Variants in ADAMTS9 observed in about 807,000 individuals in gnomAD.
ADAMTS9 encodes the protein ADAM metallopeptidase with thrombospondin type 1 motif 9, also known as A disintegrin and metalloproteinase with thrombospondin motifs 9.
Under a neutral mutation model 257.1 loss-of-function variants are expected in ADAMTS9, and 107 were observed. That is an observed-to-expected ratio of 0.42 (90% confidence interval 0.36 to 0.49). The LOEUF is 0.49. Among genes scored for constraint, ADAMTS9 ranks in the 20% least tolerant of loss-of-function variants. The pLI, the probability that ADAMTS9 is intolerant of heterozygous loss-of-function variation, is 0.03. For synonymous variants in ADAMTS9, 982 were observed against 880.9 expected (o/e 1.11, Z -2.03); for missense variants, 2,353 against 2,469.1 (o/e 0.95, Z 1.00).
chr3:64,619,212 T>C (rs181875770), intron 19 of ADAMTS9, among the ~76,000 whole-genome samples: 134 of 152,258 alleles, frequency 8.8e-4, no homozygotes, highest in Non-Finnish European at 1.6e-3. Context: ...TCTATAGTTA[T>C]AATCAGAGAC....
chr3:64,642,123 T>C, intron 11 of ADAMTS9, 130 bp from the exon 12 acceptor site: 4 of 1,030,818 alleles, frequency 3.9e-6, no homozygotes, highest in East Asian at 2.4e-5. Flanking sequence ...AGGTTCATCA[T>C]CTATATGAAT....
chr3:64,660,092 T>C lies in ADAMTS9; in HGVS notation c.680-1301A>G, dbSNP rs540805267. ...AGTGCCTGCCAAAATATACTTTGAG[T>C]AAAAACAGAATTTCATCAGTTAACT... is the stretch of plus-strand genomic sequence containing the variant. On this transcript the variant is annotated intron_variant, in intron 3 of 39. Transcript: ENST00000498707. Among the ~76,000 whole-genome samples, 23 of 152,232 alleles carry C rather than the reference T, an allele frequency of 1.5e-4. No homozygotes were observed. The East Asian group carries it at 2.1e-3, about 14-fold the overall frequency.
chr3:64,614,958 T>G (rs189132185), intron 21 of ADAMTS9: 64 of 168,194 alleles, frequency 3.8e-4, no homozygotes, highest in African/African-American at 1.5e-3. Flanking sequence ...AAACTTCATG[T>G]TGACTTCAGA....
intron 32 of ADAMTS9, among the ~76,000 whole-genome samples, chr3:64,542,830 G>A (rs1191699445): frequency 2.0e-5 from 3 of 151,946 alleles, no homozygotes; most frequent in African/African-American, 7.3e-5. Context: ...TCCAGGAGCC[G>A]GTTTTTTGAA....
intron 30 of ADAMTS9, among the ~76,000 whole-genome samples, chr3:64,561,065 C>CTTT (rs57577807): frequency 0.37 from 30,952 of 83,274 alleles, 3,580 homozygotes; most frequent in East Asian, 0.5. Flanking sequence ...AGATACCATC[C>CTTT]TTTTTTTTTT....
chr3:64,670,847 A>G (rs1188209968), intron 3 of ADAMTS9, among the ~76,000 whole-genome samples: 2 of 152,222 alleles, frequency 1.3e-5, no homozygotes, highest in Admixed American at 6.5e-5. Flanking sequence ...AGAATAGCTA[A>G]ACTTCAAAAA....
intron 39 of ADAMTS9, among the ~76,000 whole-genome samples, chr3:64,517,581 T>A (rs1285829734): frequency 6.6e-6 from 1 of 151,608 alleles, no homozygotes; most frequent in East Asian, 1.9e-4. Context: ...GTAATGTTTG[T>A]TTGCTGTAAG....
intron 3 of ADAMTS9, 145 bp downstream of exon 3, chr3:64,681,056 A>T: frequency 1.1e-6 from 1 of 883,620 alleles, no homozygotes; most frequent in South Asian, 1.9e-5. Flanking sequence ...ACAGTGGGGT[A>T]TGTATCCCTA....
At chr3:64,540,332 T>G (rs974748584) in intron 36 of ADAMTS9, among the ~76,000 whole-genome samples, 2 of 152,340 alleles carry the variant, frequency 1.3e-5, no homozygotes, top group East Asian at 3.9e-4. Flanking sequence ...AATTATTCAT[T>G]ATTTCTGTTT....
At chr3:64,671,020 C>G (rs896694325) in intron 3 of ADAMTS9, among the ~76,000 whole-genome samples, 3 of 152,160 alleles carry the variant, frequency 2.0e-5, no homozygotes, top group African/African-American at 7.2e-5. Flanking sequence ...ACCACACAAG[C>G]CAGTAATCTT....
At chr3:64,518,622 A>G (rs1302716281) in intron 39 of ADAMTS9, among the ~76,000 whole-genome samples, 1 of 152,102 alleles carries the variant, frequency 6.6e-6, no homozygotes, top group Non-Finnish European at 1.5e-5. Flanking sequence ...CATTTCTAAC[A>G]AGTTCCTAGG....
intron 3 of ADAMTS9, among the ~76,000 whole-genome samples, chr3:64,679,492 G>A (rs1205157420): frequency 6.6e-6 from 1 of 152,196 alleles, no homozygotes; most frequent in Non-Finnish European, 1.5e-5. Flanking sequence ...AAGCAAGGTG[G>A]TACATGTACA....
chr3:64,656,851 G>T lies in ADAMTS9; in HGVS notation c.970-976C>A, dbSNP rs182230205. On this transcript the variant is annotated intron_variant, in intron 4 of 39. Transcript: ENST00000498707. ...AGGCAAGGAGTACCATAGGCCACAA[G>T]GGGGGAAGAAGAAACCCTAAAGCTA... is the stretch of plus-strand genomic sequence containing the variant. 4.6e-5 allele frequency among the ~76,000 whole-genome samples: 7 copies of T among 152,162 alleles called. No homozygotes were observed. In the East Asian group the frequency reaches 1.4e-3, roughly 30 times the overall value.
chr3:64,621,714 A>G (rs1419554469), intron 18 of ADAMTS9, among the ~76,000 whole-genome samples: 15 of 151,812 alleles, frequency 9.9e-5, no homozygotes, highest in Non-Finnish European at 1.5e-5. Context: ...GTGGGCTGAG[A>G]TTGTGCCACT....
At chr3:64,565,853 C>T (rs2083532264) in intron 29 of ADAMTS9, 1 of 152,128 alleles carries the variant, frequency 6.6e-6, no homozygotes, top group Non-Finnish European at 1.5e-5. Context: ...AATAATTCCA[C>T]CCCTCCTTCA....
intron 30 of ADAMTS9, among the ~76,000 whole-genome samples, chr3:64,556,578 C>T (rs2083335610): frequency 6.6e-6 from 1 of 152,228 alleles, no homozygotes; most frequent in East Asian, 1.9e-4. Context: ...TCCTTGGCCT[C>T]CCAAAGTGCT....
rs1251016424 is a variant in ADAMTS9, at chr3:64,649,786, AAC to A, written c.1464-10_1464-9del. The stretch of plus-strand genomic sequence containing the variant: ...CACTCGCCATAACCAGTGCTACGGA[AAC>A]ACACAGAAACACACAGATGGTGAGA... On this transcript the variant is annotated splice_polypyrimidine_tract_variant and intron_variant, in intron 9 of 39. Coordinates refer to ENST00000498707, the MANE Select transcript of ADAMTS9 (RefSeq NM_182920.2). The A allele has an allele frequency of 6.2e-7, 1 of 1,607,784 alleles. No homozygotes were observed. The highest frequency in any genetic ancestry group is 8.5e-7 in the Non-Finnish European group (1 of 1,176,860).
chr3:64,538,804 T>C (rs371844363), intron 37 of ADAMTS9, among the ~76,000 whole-genome samples: 15 of 152,216 alleles, frequency 9.9e-5, no homozygotes, highest in South Asian at 4.1e-4. Context: ...ACCATGGCAA[T>C]TGACAAATGT....
In ADAMTS9 at chr3:64,642,458, C is replaced by T. The variant is rs9884108; in HGVS notation, c.1711-465G>A. Among the ~76,000 whole-genome samples the T allele has an allele frequency of 1.4e-3, 210 of 150,502 alleles. 1 individual carries two copies. Among genetic ancestry groups the T allele is most frequent in the African/African-American group, 4.9e-3 (199 of 40,554 alleles). On this transcript the variant is annotated intron_variant, in intron 11 of 39. Coordinates refer to ENST00000498707, the MANE Select transcript of ADAMTS9 (RefSeq NM_182920.2). Reference sequence around the variant, plus strand: ...TATTGGAGAGGGGGGAAAAAAAAAGCGAGTTACATGATTCTTATAAACACA... The same window carrying T: ...TATTGGAGAGGGGGGAAAAAAAAAGTGAGTTACATGATTCTTATAAACACA...
Sources: gnomAD v4.1 joint callset for allele counts (sites outside exome capture counted in the v4.1 genomes callset) on GRCh38, gnomAD v4.1.1 for gene constraint, MANE v1.5 for transcripts, NCBI Gene and HGNC (gene_info 2026-07-23, HGNC 2026-07-21) for gene names.